Variants in ARHGEF9 observed in about 807,000 individuals in gnomAD.
ARHGEF9 encodes the protein Cdc42 guanine nucleotide exchange factor 9, also known as rho guanine nucleotide exchange factor 9.
A neutral mutation model predicts 41.3 loss-of-function variants in ARHGEF9; 2 were observed. The observed-to-expected ratio is 0.05, with a 90% CI of 0.02 to 0.15. The LOEUF (loss-of-function observed/expected upper bound fraction) is 0.15. ARHGEF9 is among the 10% of genes least tolerant of loss of function. The pLI, the probability that ARHGEF9 is intolerant of heterozygous loss-of-function variation, is 1.00. For synonymous variants in ARHGEF9, 160 were observed against 154.4 expected, an observed-to-expected ratio of 1.04 and a Z score of -0.27; for missense variants, 225 against 424.7, an observed-to-expected ratio of 0.53 and a Z score of 4.13.
chrX:63,718,913 G>A (rs1401397314), intron 2 of ARHGEF9, among the ~76,000 whole-genome samples: 2 of 111,242 alleles, frequency 1.8e-5, no homozygotes, highest in Admixed American at 9.6e-5. Flanking sequence ...TAATTTGGAG[G>A]AATCATCTGG....
rs2047801879 is a variant in ARHGEF9, at chrX:63,643,749, T to A, written c.1390+231A>T. Among the ~76,000 whole-genome samples, 3 of 111,236 alleles carry A rather than the reference T, an allele frequency of 2.7e-5. No homozygotes were observed. The Admixed American group carries it at 2.9e-4, about 11-fold the overall frequency. On this transcript the variant is annotated intron_variant, in intron 9 of 9. Coordinates refer to ENST00000671741, the MANE Select transcript of ARHGEF9 (RefSeq NM_001353921.2). Reference sequence around the variant, plus strand: ...AAAAAAAAGAGGAACAGAGGTTATATTTTTTGCTATACTCAATGAGCTATC... The same window carrying A: ...AAAAAAAAGAGGAACAGAGGTTATAATTTTTGCTATACTCAATGAGCTATC...
At chrX:63,648,759 T>G (rs1556320215) in intron 8 of ARHGEF9, among the ~76,000 whole-genome samples, 2 of 110,995 alleles carry the variant, frequency 1.8e-5, no homozygotes, top group Non-Finnish European at 3.8e-5. Flanking sequence ...GAGGAAGATC[T>G]ACCAAGCAAA....
intron 1 of ARHGEF9, among the ~76,000 whole-genome samples, chrX:63,738,088 C>T (rs1470951059): frequency 1.8e-5 from 2 of 111,996 alleles, no homozygotes; most frequent in Non-Finnish European, 3.8e-5. Context: ...TGAACCCAGA[C>T]AGTTTCCCTC....
intron 3 of ARHGEF9, among the ~76,000 whole-genome samples, chrX:63,700,885 G>A (rs1366847270): frequency 9.0e-6 from 1 of 111,457 alleles, no homozygotes; most frequent in Non-Finnish European, 1.9e-5. Flanking sequence ...ATGGCTCAAG[G>A]GAGGCAGTTT....
At chrX:63,652,993 G>C (rs1450448439) in intron 8 of ARHGEF9, among the ~76,000 whole-genome samples, 2 of 111,337 alleles carry the variant, frequency 1.8e-5, no homozygotes, top group Non-Finnish European at 3.8e-5. Flanking sequence ...TAAATTTCCT[G>C]AGGCCTCCCA....
At chrX:63,773,689 T>C (rs1322598378) in intron 1 of ARHGEF9, among the ~76,000 whole-genome samples, 1 of 111,971 alleles carries the variant, frequency 8.9e-6, no homozygotes, top group African/African-American at 3.2e-5. Flanking sequence ...CAATTAGCAT[T>C]TGAATCAGTA....
intron 1 of ARHGEF9, among the ~76,000 whole-genome samples, chrX:63,737,732 A>G (rs1344164271): frequency 8.9e-6 from 1 of 112,082 alleles, no homozygotes; most frequent in Non-Finnish European, 1.9e-5. Context: ...CTTCATATTC[A>G]TGAGCTCACT....
At position 63,640,255 on chromosome X, in the gene ARHGEF9, C is replaced by A. The variant is rs1363938331; in HGVS notation, c.1391-2046G>T. On this transcript the variant is annotated intron_variant, in intron 9 of 9. Coordinates refer to ENST00000671741, the MANE Select transcript of ARHGEF9 (RefSeq NM_001353921.2). Reference sequence around the variant, plus strand: ...GATTTACAATTATTACATATCAATACAAAATAAATTTAAAAATCAATTGGG... The same window carrying A: ...GATTTACAATTATTACATATCAATAAAAAATAAATTTAAAAATCAATTGGG... 3 of 111,885 alleles carry A rather than the reference C, an allele frequency of 2.7e-5. No homozygotes were observed. The South Asian group carries it at 1.1e-3, about 42-fold the overall frequency. 9.2% of individuals were successfully genotyped at this position (111,885 alleles called of 1,213,427 possible). A position where few individuals can be genotyped will look rare whatever the true frequency, so the allele number is the denominator to read the frequency against.
intron 1 of ARHGEF9, chrX:63,724,938 AC>A (rs782321049): frequency 2.8e-5 from 12 of 427,900 alleles, no homozygotes; most frequent in Non-Finnish European, 4.9e-5. Context: ...ATGAATATGT[AC>A]TACATATGCC....
chrX:63,774,754 A>G (rs1311046752), intron 1 of ARHGEF9, among the ~76,000 whole-genome samples: 27 of 111,816 alleles, frequency 2.4e-4, no homozygotes, highest in Admixed American at 2.3e-3. Flanking sequence ...TATTCTGGAC[A>G]TAGGCCCTGG....
chrX:63,677,811 T>A (rs1340011315), intron 5 of ARHGEF9, among the ~76,000 whole-genome samples: 1 of 112,219 alleles, frequency 8.9e-6, no homozygotes, highest in African/African-American at 3.2e-5. Context: ...GCTCTGAGGT[T>A]GTTTTGGCCT....
intron 3 of ARHGEF9, among the ~76,000 whole-genome samples, chrX:63,702,470 A>G (rs1345387815): frequency 3.6e-5 from 4 of 112,505 alleles, no homozygotes; most frequent in African/African-American, 1.3e-4. Context: ...ACCTCATTGA[A>G]TAACTTCAAT....
chrX:63,692,038 C>A (rs2051387672), intron 4 of ARHGEF9, among the ~76,000 whole-genome samples: 1 of 111,479 alleles, frequency 9.0e-6, no homozygotes, highest in Non-Finnish European at 1.9e-5. Context: ...TATCTCTCAC[C>A]ATATGAAAAA....
chrX:63,771,061 A>C (rs1394929289), intron 1 of ARHGEF9, among the ~76,000 whole-genome samples: 1 of 112,221 alleles, frequency 8.9e-6, no homozygotes, highest in Non-Finnish European at 1.9e-5. Context: ...TTTTAATAAT[A>C]GCTATTCTGG....
intron 6 of ARHGEF9, among the ~76,000 whole-genome samples, chrX:63,668,909 A>C (rs1363832124): frequency 9.0e-6 from 1 of 111,588 alleles, no homozygotes; most frequent in Non-Finnish European, 1.9e-5. Flanking sequence ...CCCCCACCCA[A>C]TCTCCTCCTA....
At chrX:63,749,234 T>C (rs191654452) in intron 1 of ARHGEF9, among the ~76,000 whole-genome samples, 64 of 111,696 alleles carry the variant, frequency 5.7e-4, no homozygotes, top group African/African-American at 1.8e-3. Flanking sequence ...TTGTTTCCTT[T>C]TCTTTCTTTT....
intron 9 of ARHGEF9, chrX:63,640,392 T>C (rs1556304427): frequency 1.8e-5 from 2 of 111,972 alleles, no homozygotes; most frequent in Non-Finnish European, 3.8e-5. Context: ...GTGTTGAAAC[T>C]GGGTAGATTG....
intron 1 of ARHGEF9, among the ~76,000 whole-genome samples, chrX:63,753,542 G>GT (rs1569504082): frequency 1.9e-4 from 20 of 105,125 alleles, no homozygotes; most frequent in East Asian, 2.9e-4. Flanking sequence ...TTTCTTGTGG[G>GT]GTTTTTTTTT....
At chrX:63,650,880 A>C (rs1319852607) in intron 8 of ARHGEF9, among the ~76,000 whole-genome samples, 1 of 111,239 alleles carries the variant, frequency 9.0e-6, no homozygotes, top group African/African-American at 3.2e-5. Flanking sequence ...AAAAGAAGAG[A>C]GATAACTACA....
Sources: gnomAD v4.1 joint callset for allele counts (sites outside exome capture counted in the v4.1 genomes callset) on GRCh38, gnomAD v4.1.1 for gene constraint, MANE v1.5 for transcripts, NCBI Gene and HGNC (gene_info 2026-07-23, HGNC 2026-07-21) for gene names.